The following SNX25 variants were observed in gnomAD, a reference collection of about 807,000 sequenced individuals.
SNX25 encodes sorting nexin 25, also known as sorting nexin-25.
SNX25 carries 62 observed loss-of-function variants against 113.7 expected under a neutral mutation model. The observed-to-expected ratio is 0.55, with a 90% CI of 0.44 to 0.67. SNX25 has a LOEUF of 0.67. SNX25 is among the 30% of genes least tolerant of loss of function. The pLI, the probability that SNX25 is intolerant of heterozygous loss-of-function variation, is 0.00. For synonymous variants in SNX25, 421 were observed against 436.2 expected, an observed-to-expected ratio of 0.97 and a Z score of 0.43; for missense variants, 1,014 against 1,161.0, an observed-to-expected ratio of 0.87 and a Z score of 1.84.
intron 6 of SNX25, among the ~76,000 whole-genome samples, chr4:185,299,401 G>A (rs1419675527): frequency 3.3e-5 from 5 of 152,284 alleles, no homozygotes; most frequent in African/African-American, 9.6e-5. Context: ...CTCAAGCTAT[G>A]GTGCACGTCA....
At chr4:185,345,155 G>A (rs1107715) in intron 12 of SNX25, among the ~76,000 whole-genome samples, 2,402 of 152,284 alleles carry the variant, frequency 0.016, 47 homozygotes, top group Middle Eastern at 0.065. Flanking sequence ...GTCCATGCCC[G>A]TCCTCTTTGT....
chr4:185,307,291 C>A (rs970444978), intron 6 of SNX25, among the ~76,000 whole-genome samples: 3 of 152,194 alleles, frequency 2.0e-5, no homozygotes, highest in Non-Finnish European at 4.4e-5. Flanking sequence ...TCGTGGGAAC[C>A]AAGAGACAAA....
intron 2 of SNX25, among the ~76,000 whole-genome samples, chr4:185,257,217 T>TA (rs1420758027): frequency 1.4e-5 from 2 of 144,208 alleles, no homozygotes; most frequent in Middle Eastern, 3.5e-3. Flanking sequence ...CAAGAAGTGA[T>TA]AAAAAATAAC....
At chr4:185,298,592 G>A (rs1753188091) in intron 6 of SNX25, among the ~76,000 whole-genome samples, 1 of 151,762 alleles carries the variant, frequency 6.6e-6, no homozygotes. Flanking sequence ...GCTTCCTCTG[G>A]TCACTGGCTG....
At chr4:185,307,645 A>G (rs1265013404) in intron 6 of SNX25, among the ~76,000 whole-genome samples, 1 of 152,176 alleles carries the variant, frequency 6.6e-6, no homozygotes, top group Non-Finnish European at 1.5e-5. Flanking sequence ...ACTTCCTCAT[A>G]TCCAATGTCC....
chr4:185,262,683 T>G (rs1747492217), intron 3 of SNX25, among the ~76,000 whole-genome samples: 3 of 152,234 alleles, frequency 2.0e-5, no homozygotes, highest in South Asian at 4.1e-4. Context: ...TACTTTTTGG[T>G]GTAGGTGGGA....
intron 1 of SNX25, among the ~76,000 whole-genome samples, chr4:185,235,590 C>T (rs533165759): frequency 2.0e-5 from 3 of 152,292 alleles, no homozygotes; most frequent in South Asian, 2.1e-4. Context: ...TCTTCTCAGC[C>T]GATAGAAGAC....
chr4:185,318,218 A>G (rs944800351), intron 7 of SNX25, among the ~76,000 whole-genome samples: 4 of 152,222 alleles, frequency 2.6e-5, no homozygotes, highest in Non-Finnish European at 5.9e-5. Context: ...AAGAATTTCA[A>G]AATGTAAGTT....
chr4:185,241,150 G>C (rs943312842), intron 1 of SNX25, among the ~76,000 whole-genome samples: 43 of 151,764 alleles, frequency 2.8e-4, no homozygotes, highest in African/African-American at 1.0e-3. Context: ...AGGTTGTAGC[G>C]AGCCGAGATC....
chr4:185,267,991 C>G (rs988783483), intron 5 of SNX25, among the ~76,000 whole-genome samples: 2 of 152,082 alleles, frequency 1.3e-5, no homozygotes, highest in African/African-American at 4.8e-5. Flanking sequence ...TGGAAGTATG[C>G]TGAGGAGGAA....
chr4:185,321,415 A>G (rs1348552305), intron 8 of SNX25, among the ~76,000 whole-genome samples: 1 of 151,830 alleles, frequency 6.6e-6, no homozygotes, highest in South Asian at 2.1e-4. Context: ...GGTGTGTGCT[A>G]CCACACCCAG....
chr4:185,319,566 A>G (rs949698206), intron 7 of SNX25, among the ~76,000 whole-genome samples: 1 of 150,390 alleles, frequency 6.6e-6, no homozygotes, highest in African/African-American at 2.5e-5. Context: ...ACTCAAAGTC[A>G]TCTTTGGAGA....
rs1737466826 is a variant in SNX25, at chr4:185,209,902, G to C, written c.76G>C (p.Val26Leu). 4.1e-6 allele frequency: 4 copies of C among 983,226 alleles called. No homozygotes were observed. The Admixed American group carries it at 1.9e-4, about 46-fold the overall frequency. 60.9% of individuals were successfully genotyped at this position (983,226 alleles called of 1,614,324 possible). The change falls in exon 1 of 19, where the codon GTC (valine) becomes CTC (leucine). Residue 26 changes from valine to leucine, a missense_variant. Val to Leu is a conservative substitution (Grantham distance 32, BLOSUM62 1). Transcript: ENST00000652585. The surrounding 1 kb of genome is among the most constrained non-coding windows in gnomAD (Gnocchi z 5.2). ...ARAAGAGGRP[V>L]SGFRGERRPE... ...GGCCGCAGGCGCCGGCGGCCGTCCT[G>C]TCTCGGGCTTCAGGGGCGAGCGGCG...
intron 5 of SNX25, among the ~76,000 whole-genome samples, chr4:185,284,191 G>A (rs3108273): frequency 0.46 from 69,294 of 151,900 alleles, 15,950 homozygotes; most frequent in East Asian, 0.58. Flanking sequence ...ATTATACACA[G>A]AACTATGGTT....
intron 1 of SNX25, among the ~76,000 whole-genome samples, chr4:185,239,690 TTTGC>T (rs1743324569): frequency 6.6e-6 from 1 of 151,836 alleles, no homozygotes; most frequent in Non-Finnish European, 1.5e-5. Flanking sequence ...TTTTTTATGC[TTTGC>T]TTTCTTTTTT....
chr4:185,339,898 T>C (rs1347622679), intron 11 of SNX25, among the ~76,000 whole-genome samples: 4 of 152,280 alleles, frequency 2.6e-5, no homozygotes, highest in Non-Finnish European at 5.9e-5. Context: ...CTTCAATTGC[T>C]TAAATTTCAG....
downstream of SNX25, chr4:185,370,315 G>A (rs996132853): frequency 2.4e-5 from 6 of 249,186 alleles, no homozygotes; most frequent in African/African-American, 4.4e-5. Flanking sequence ...TAGAATGAAC[G>A]TATACATTCA....
At chr4:185,310,884 A>G in intron 7 of SNX25, 68 bp downstream of exon 7, 1 of 1,426,706 alleles carries the variant, frequency 7.0e-7, no homozygotes, top group Non-Finnish European at 9.4e-7. Context: ...AACTACATAT[A>G]AAGACTTTCA....
At chr4:185,212,695 A>C (rs922516191) in intron 1 of SNX25, among the ~76,000 whole-genome samples, 2 of 152,132 alleles carry the variant, frequency 1.3e-5, no homozygotes, top group African/African-American at 4.8e-5. Context: ...AGTGGGAAGC[A>C]GAAGCATGTG....
Sources: allele counts gnomAD v4.1 joint callset (sites outside exome capture counted in the v4.1 genomes callset), GRCh38; gene constraint gnomAD v4.1.1; non-coding constraint Gnocchi (gnomAD v3.1); transcripts MANE v1.5; gene names NCBI Gene and HGNC (gene_info 2026-07-23, HGNC 2026-07-21).